SCTR: variants seen among roughly 807,000 people sequenced by gnomAD.
SCTR encodes the protein secretin receptor, also known as pancreatic secretin receptor.
SCTR carries 56 observed loss-of-function variants against 60.8 expected under a neutral mutation model. The observed-to-expected ratio is 0.92, with a 90% confidence interval of 0.74 to 1.15. The LOEUF (loss-of-function observed/expected upper bound fraction) is 1.15, where lower values mean the gene tolerates loss of function less well. SCTR is among the 50% of genes most tolerant of loss of function. The pLI is 0.00. For synonymous variants in SCTR, 202 were observed against 217.0 expected (o/e 0.93, Z 0.61); for missense variants, 562 against 550.4 (o/e 1.02, Z -0.21).
At chr2:119,522,451 T>C (rs1450465357) in intron 1 of SCTR, among the ~76,000 whole-genome samples, 1 of 152,186 alleles carries the variant, frequency 6.6e-6, no homozygotes, top group African/African-American at 2.4e-5. Flanking sequence ...GCTCTACTAC[T>C]AACTTGCTGA....
chr2:119,512,742 GT>G (rs1303665561), intron 1 of SCTR, among the ~76,000 whole-genome samples: 1 of 152,082 alleles, frequency 6.6e-6, no homozygotes, highest in Non-Finnish European at 1.5e-5. Flanking sequence ...TATCTGTAGA[GT>G]TTTTTTATGA....
intron 2 of SCTR, among the ~76,000 whole-genome samples, chr2:119,492,690 G>T (rs1055347433): frequency 7.2e-5 from 11 of 152,104 alleles, no homozygotes; most frequent in African/African-American, 2.7e-4. Flanking sequence ...AAGGAAACCT[G>T]TACCCCTCAA....
intron 5 of SCTR, among the ~76,000 whole-genome samples, chr2:119,465,462 T>C (rs1683792799): frequency 6.6e-6 from 1 of 152,182 alleles, no homozygotes; most frequent in Admixed American, 6.5e-5. Context: ...TGTTTCGAGG[T>C]GGATTTCTGT....
chr2:119,494,575 A>G (rs1262817516), intron 1 of SCTR, 27 bp from the exon 2 acceptor site: 4 of 1,610,818 alleles, frequency 2.5e-6, no homozygotes, highest in Non-Finnish European at 3.4e-6. Context: ...AGGGATGCTC[A>G]TCATTGCCAC....
Position 119,446,837 on chromosome 2 carries a change from G to T in SCTR, c.1062C>A (p.His354Gln). The change falls in exon 11 of 13, where the codon CAC (histidine) becomes CAA (glutamine). Residue 354 changes from histidine (H) to glutamine (Q), a missense_variant. By Grantham distance (24) the His-to-Gln change is conservative. Transcript: ENST00000019103. ...CTGGGGAGAAGGCGAAGACGATGTA[G>T]TGGATGCCAAAGAGGGGGATCAGCA... Reference protein sequence around the residue: ...TLLLIPLFGIHYIVFAFSPED... With the variant: ...TLLLIPLFGIQYIVFAFSPED... 6.3e-7 allele frequency: 1 copy of T among 1,583,142 alleles called. No individual in the cohort carries two copies. Among genetic ancestry groups the T allele is most frequent in the Non-Finnish European group, 8.6e-7 (1 of 1,163,896 alleles).
intron 6 of SCTR, among the ~76,000 whole-genome samples, chr2:119,463,669 G>A (rs550816360): frequency 1.3e-5 from 2 of 152,298 alleles, no homozygotes; most frequent in African/African-American, 4.8e-5. Flanking sequence ...CATTTGGAAG[G>A]AGAAAGGGGG....
intron 10 of SCTR, among the ~76,000 whole-genome samples, chr2:119,448,003 C>T (rs1682997962): frequency 6.6e-6 from 1 of 152,158 alleles, no homozygotes; most frequent in Admixed American, 6.5e-5. Context: ...AAAGAGGAGG[C>T]TAAGTTACAA....
At chr2:119,516,189 CAT>C (rs1161356661) in intron 1 of SCTR, among the ~76,000 whole-genome samples, 1 of 152,128 alleles carries the variant, frequency 6.6e-6, no homozygotes. Context: ...ATAGAACTAA[CAT>C]ATGATTCAGG....
chr2:119,455,346 C>T (rs865774577), intron 7 of SCTR, among the ~76,000 whole-genome samples: 44 of 152,232 alleles, frequency 2.9e-4, no homozygotes, highest in African/African-American at 8.2e-4. Context: ...AGCCATTAGC[C>T]GGCTCTGAAG....
At chr2:119,508,343 A>G (rs895121204) in intron 1 of SCTR, among the ~76,000 whole-genome samples, 6 of 131,454 alleles carry the variant, frequency 4.6e-5, no homozygotes, top group Non-Finnish European at 9.9e-5. Context: ...TTTTCTAAAA[A>G]TTTTCTTTTT....
intron 9 of SCTR, 136 bp downstream of exon 9, chr2:119,451,874 C>G: frequency 1.6e-6 from 1 of 639,608 alleles, no homozygotes. Flanking sequence ...CGCTGCTCAC[C>G]AACCTCACAA....
chr2:119,448,859 T>C (rs1683033241), intron 9 of SCTR, 79 bp from the exon 10 acceptor site: 1 of 772,430 alleles, frequency 1.3e-6, no homozygotes, highest in East Asian at 2.6e-5. Context: ...CCCCTGGACC[T>C]GAGGGCAGAG....
chr2:119,475,723 T>C (rs1677252327), intron 3 of SCTR, among the ~76,000 whole-genome samples: 1 of 147,900 alleles, frequency 6.8e-6, no homozygotes, highest in Admixed American at 6.8e-5. Context: ...TGTGCATATA[T>C]ATAAATATAT....
chr2:119,485,495 C>A (rs1013778538), intron 2 of SCTR, among the ~76,000 whole-genome samples: 1 of 152,200 alleles, frequency 6.6e-6, no homozygotes, highest in African/African-American at 2.4e-5. Flanking sequence ...GAGCCTCTAT[C>A]CTCCAGTCCT....
At chr2:119,481,757 T>C (rs1011361644) in intron 2 of SCTR, among the ~76,000 whole-genome samples, 1 of 152,210 alleles carries the variant, frequency 6.6e-6, no homozygotes, top group African/African-American at 2.4e-5. Flanking sequence ...ATAGCACAAG[T>C]GCTCAGCAAA....
intron 11 of SCTR, among the ~76,000 whole-genome samples, chr2:119,445,175 A>T (rs1051814345): frequency 6.6e-6 from 1 of 152,044 alleles, no homozygotes; most frequent in Non-Finnish European, 1.5e-5. Context: ...ATGGCCAGGC[A>T]GACCCGGGTC....
rs57042463 is a variant in SCTR, at chr2:119,453,136, G to A, written c.851+151C>T. The A allele has an allele frequency of 8.7e-4, 571 of 655,296 alleles. 1 individual carries two copies. The East Asian group carries it at 9.5e-3, about 11-fold the overall frequency. The allele number at this position is 655,296 out of a possible 1,614,324, so 40.6% of individuals were successfully genotyped here. A position where few individuals can be genotyped will look rare whatever the true frequency, so the allele number is the denominator to read the frequency against. On this transcript the variant is annotated intron_variant, in intron 8 of 12. Coordinates refer to ENST00000019103, the MANE Select transcript of SCTR (RefSeq NM_002980.3). The stretch of plus-strand genomic sequence containing the variant: ...CTCGGCCCACCTGGAAACACACCTG[G>A]GAAGCAGTGAGCATCAGTCCAGGGA...
intron 9 of SCTR, among the ~76,000 whole-genome samples, chr2:119,450,975 C>G (rs1683142902): frequency 6.6e-6 from 1 of 152,226 alleles, no homozygotes; most frequent in South Asian, 2.1e-4. Context: ...AAAGTAAAAC[C>G]AAAACAAACA....
At chr2:119,449,977 GA>G (rs1231861072) in intron 9 of SCTR, among the ~76,000 whole-genome samples, 6 of 13,850 alleles carry the variant, frequency 4.3e-4, no homozygotes, top group African/African-American at 1.3e-3. Flanking sequence ...GGGAGGGAGG[GA>G]AGGAAGGAAG....
Sources: gnomAD v4.1 joint callset for allele counts (sites outside exome capture counted in the v4.1 genomes callset) on GRCh38, gnomAD v4.1.1 for gene constraint, MANE v1.5 for transcripts, NCBI Gene and HGNC (gene_info 2026-07-23, HGNC 2026-07-21) for gene names.